THSD7B: variants seen among roughly 807,000 people sequenced by gnomAD.
THSD7B encodes the protein thrombospondin type-1 domain-containing protein 7B.
In THSD7B, 138 loss-of-function variants were observed where a neutral mutation model predicts 213.6. The ratio of observed to expected loss-of-function variants is 0.65; its 90% CI spans 0.56 to 0.74. The LOEUF (loss-of-function observed/expected upper bound fraction) is 0.74, where lower values mean the gene tolerates loss of function less well. THSD7B is among the 30% of genes least tolerant of loss of function. The pLI, the probability that THSD7B is intolerant of heterozygous loss-of-function variation, is 0.00. For synonymous variants in THSD7B, 742 were observed against 687.0 expected (o/e 1.08, Z -1.25); for missense variants, 1,931 against 1,991.5 (o/e 0.97, Z 0.58).
chr2:137,676,871 G>C lies in THSD7B; in HGVS notation c.*266G>C. The C allele has an allele frequency of 3.4e-6, 1 of 296,262 alleles. No individual in the cohort carries two copies. The highest frequency in any genetic ancestry group is 6.2e-6 in the Non-Finnish European group (1 of 162,370). The allele number at this position is 296,262 out of a possible 1,614,324, so 18.4% of individuals were successfully genotyped here. A position where few individuals can be genotyped will look rare whatever the true frequency, so the allele number is the denominator to read the frequency against. On this transcript the variant is annotated 3_prime_UTR_variant, in exon 28 of 28. Transcript: ENST00000409968. ...CTGAAAACCCTTCTCTTCCTGTTTG[G>C]AACTGGGAGGAAGAAAACATGATGG...
At chr2:136,890,504 T>TTTC (rs1553455883) in intron 2 of THSD7B, among the ~76,000 whole-genome samples, 400 of 1,326 alleles carry the variant, frequency 0.3, 171 homozygotes, top group South Asian at 1. Flanking sequence ...TTTCTTCTCC[T>TTTC]TTCTTCTTCT....
At chr2:137,203,119 A>G (rs1164305217) in intron 7 of THSD7B, among the ~76,000 whole-genome samples, 1 of 152,074 alleles carries the variant, frequency 6.6e-6, no homozygotes, top group Admixed American at 6.6e-5. Flanking sequence ...TATTCCCATC[A>G]CAGCCAAAAA....
chr2:136,784,751 T>A (rs74665043), intron 1 of THSD7B, among the ~76,000 whole-genome samples: 32,869 of 152,126 alleles, frequency 0.22, 4,157 homozygotes, highest in East Asian at 0.41. Context: ...TTTCCTCTGT[T>A]AGTAGCACTG....
chr2:137,252,266 CAA>C (rs1182130976), intron 10 of THSD7B, among the ~76,000 whole-genome samples: 4 of 59,690 alleles, frequency 6.7e-5, no homozygotes, highest in Non-Finnish European at 2.8e-5. Context: ...GACTCTGTCT[CAA>C]AAAAAAAAAA....
intron 22 of THSD7B, among the ~76,000 whole-genome samples, 195 bp from the exon 23 acceptor site, chr2:137,656,601 G>T (rs966194033): frequency 1.3e-5 from 2 of 152,126 alleles, no homozygotes; most frequent in Non-Finnish European, 2.9e-5. Context: ...GCACTTTCTT[G>T]TTAAACAAGA....
rs141351657 is a variant in THSD7B, at chr2:137,118,176, T to C, written c.1369+2883T>C. 4.4e-4 allele frequency among the ~76,000 whole-genome samples: 67 copies of C among 152,334 alleles called. 2 individuals carry two copies. The East Asian group carries it at 0.013, about 28-fold the overall frequency. ...GTTGTTTTAAAGAGAATAGTGTTTC[T>C]CTTTTATAAATCAGAAGCAGCAGCA... On this transcript the variant is annotated intron_variant, in intron 5 of 27. Transcript: ENST00000409968.
chr2:136,786,227 A>G (rs1007394044), intron 1 of THSD7B, among the ~76,000 whole-genome samples: 3 of 152,128 alleles, frequency 2.0e-5, no homozygotes, highest in African/African-American at 7.2e-5. Flanking sequence ...GTGTATATTC[A>G]CTTTGATCTG....
intron 1 of THSD7B, among the ~76,000 whole-genome samples, chr2:136,860,681 A>G (rs1169773611): frequency 6.6e-6 from 1 of 152,228 alleles, no homozygotes; most frequent in Admixed American, 6.5e-5. Flanking sequence ...ACTGCCACTC[A>G]TAACTGCATC....
intron 2 of THSD7B, among the ~76,000 whole-genome samples, chr2:136,883,465 C>G (rs926515777): frequency 4.6e-5 from 7 of 151,094 alleles, no homozygotes; most frequent in Admixed American, 2.6e-4. Context: ...TTTTTTTTCC[C>G]TCAGAGTAGT....
intron 12 of THSD7B, among the ~76,000 whole-genome samples, chr2:137,372,182 AGGG>A (rs1247882965): frequency 6.6e-6 from 1 of 152,048 alleles, no homozygotes; most frequent in South Asian, 2.1e-4. Context: ...GGTGGCCTAG[AGGG>A]GGAAGACCTG....
At chr2:137,147,750 G>T (rs1679732274) in intron 5 of THSD7B, among the ~76,000 whole-genome samples, 1 of 152,130 alleles carries the variant, frequency 6.6e-6, no homozygotes, top group African/African-American at 2.4e-5. Context: ...AGGGCATCTT[G>T]TGACCAGAAC....
rs547978434 is a variant in THSD7B, at chr2:136,881,799, A to G, written c.-35-345A>G. Among the ~76,000 whole-genome samples, 8 of 152,256 alleles carry G rather than the reference A, an allele frequency of 5.3e-5. No homozygotes were observed. In the South Asian group the frequency reaches 1.7e-3, roughly 32 times the overall value. On this transcript the variant is annotated intron_variant, in intron 1 of 27. Transcript: ENST00000409968. The stretch of plus-strand genomic sequence containing the variant: ...GAGCTACTATGGGAATCAAGTAACT[A>G]CTTTGGATCCTGTGAGAATCCATGA...
intron 15 of THSD7B, among the ~76,000 whole-genome samples, chr2:137,560,910 G>C (rs183181413): frequency 1.3e-5 from 2 of 152,060 alleles, no homozygotes; most frequent in Non-Finnish European, 2.9e-5. Flanking sequence ...ACACTAACTG[G>C]GGTCAGAGGA....
intron 5 of THSD7B, among the ~76,000 whole-genome samples, chr2:137,157,773 A>G (rs901875492): frequency 6.6e-6 from 1 of 152,210 alleles, no homozygotes; most frequent in Admixed American, 6.5e-5. Flanking sequence ...ATAACAACAT[A>G]TATCTCAAAG....
chr2:137,587,522 T>C lies in THSD7B; in HGVS notation c.3423+14966T>C, dbSNP rs530850864. ...CGTACAGATGGGGTTTTGGTGTGGA[T>C]GTCCTTTCTGTTTGTTAGTTTTCCT... is the stretch of plus-strand genomic sequence containing the variant. On this transcript the variant is annotated intron_variant, in intron 17 of 27. Coordinates refer to ENST00000409968, the MANE Select transcript of THSD7B (RefSeq NM_001316349.2). Among the ~76,000 whole-genome samples the C allele has an allele frequency of 8.5e-5, 13 of 152,336 alleles. No homozygotes were observed. In the South Asian group the frequency reaches 2.7e-3, roughly 32 times the overall value.
intron 1 of THSD7B, among the ~76,000 whole-genome samples, chr2:136,851,968 G>T (rs954201721): frequency 4.0e-5 from 6 of 150,960 alleles, no homozygotes; most frequent in South Asian, 2.1e-4. Context: ...AACAGAATAA[G>T]GGCCCCAAAA....
chr2:137,563,722 C>T (rs1681171105), intron 16 of THSD7B, among the ~76,000 whole-genome samples: 2 of 152,046 alleles, frequency 1.3e-5, no homozygotes, highest in African/African-American at 4.8e-5. Context: ...AGTTGATGAA[C>T]ATTTTCTTAA....
At chr2:137,115,619 T>A (rs147377262) in intron 5 of THSD7B, among the ~76,000 whole-genome samples, 2 of 152,264 alleles carry the variant, frequency 1.3e-5, no homozygotes, top group East Asian at 3.9e-4. Context: ...ATGGCATTCT[T>A]TTTTGTTTTT....
intron 7 of THSD7B, among the ~76,000 whole-genome samples, chr2:137,215,240 T>A (rs188729872): frequency 2.0e-5 from 3 of 152,234 alleles, no homozygotes; most frequent in Admixed American, 2.0e-4. Context: ...TTTTGAGAAA[T>A]GTTTGTTCAT....
Sources: allele counts gnomAD v4.1 joint callset (sites outside exome capture counted in the v4.1 genomes callset), GRCh38; gene constraint gnomAD v4.1.1; transcripts MANE v1.5; gene names NCBI Gene and HGNC (gene_info 2026-07-23, HGNC 2026-07-21).